Variants in ANKIB1 observed in about 807,000 individuals in gnomAD.
ANKIB1 encodes ankyrin repeat and IBR domain-containing protein 1.
Under a neutral mutation model 122.1 loss-of-function variants are expected in ANKIB1, and 43 were observed. The observed-to-expected ratio is 0.35, with a 90% CI of 0.28 to 0.45. The LOEUF (loss-of-function observed/expected upper bound fraction) is 0.45, where lower values mean the gene tolerates loss of function less well. ANKIB1 is among the 20% of genes least tolerant of loss of function. The pLI, the probability that ANKIB1 is intolerant of heterozygous loss-of-function variation, is 1.00. For missense variants in ANKIB1, 992 were observed against 1,329.5 expected, an observed-to-expected ratio of 0.75 and a Z score of 3.95; for synonymous variants, 390 against 442.0, an observed-to-expected ratio of 0.88 and a Z score of 1.48.
In ANKIB1 at chr7:92,397,705, C is replaced by G. The variant is rs1388516466; in HGVS notation, c.2396-18C>G. 1 of 1,608,366 alleles carries G rather than the reference C, an allele frequency of 6.2e-7. No individual in the cohort carries two copies. Among genetic ancestry groups the G allele is most frequent in the Non-Finnish European group, 8.5e-7 (1 of 1,178,332 alleles). ...ATTTGTCACTAAATTGTCTTTGGTA[C>G]CAATTGCTTTGAAACAGATATTCCA... On this transcript the variant is annotated intron_variant, in intron 18 of 19. Transcript: ENST00000265742.
chr7:92,322,199 G>A (rs1402333690), intron 4 of ANKIB1, among the ~76,000 whole-genome samples: 1 of 152,058 alleles, frequency 6.6e-6, no homozygotes, highest in African/African-American at 2.4e-5. Flanking sequence ...TAATATTGAT[G>A]TAATTAAACT....
intron 7 of ANKIB1, among the ~76,000 whole-genome samples, chr7:92,346,648 G>C (rs1803546851): frequency 6.6e-6 from 1 of 152,190 alleles, no homozygotes; most frequent in African/African-American, 2.4e-5. Context: ...TGTGGAGGCA[G>C]AAAATACTTC....
intron 4 of ANKIB1, among the ~76,000 whole-genome samples, chr7:92,323,774 G>A (rs1275489683): frequency 1.3e-5 from 2 of 152,174 alleles, no homozygotes; most frequent in Admixed American, 1.3e-4. Context: ...AAAAAGGAAT[G>A]AACTACTAAT....
intron 4 of ANKIB1, among the ~76,000 whole-genome samples, chr7:92,325,654 A>G (rs1196406896): frequency 1.3e-5 from 2 of 151,786 alleles, no homozygotes; most frequent in Non-Finnish European, 2.9e-5. Flanking sequence ...TCTTTTAACA[A>G]TAAACATGTT....
intron 1 of ANKIB1, among the ~76,000 whole-genome samples, chr7:92,280,259 A>G (rs1255102229): frequency 6.6e-6 from 1 of 152,226 alleles, no homozygotes; most frequent in Non-Finnish European, 1.5e-5. Flanking sequence ...AAAATACAAA[A>G]TGATTCTGTG....
rs1421449700 is a variant in ANKIB1 at position 92,343,210 on chromosome 7, C to T, written c.974C>T (p.Pro325Leu). 6.2e-7 allele frequency: 1 copy of T among 1,613,730 alleles called. No homozygotes were observed. Among genetic ancestry groups the T allele is most frequent in the Non-Finnish European group, 8.5e-7 (1 of 1,179,838 alleles). The stretch of plus-strand genomic sequence containing the variant: ...TCCCCAGATGAAATCAGCTTATCTC[C>T]TGGGGATTTAGACACCAGTTTGGTA... ...VTSPDEISLS[P>L]GDLDTSLCDI... Residue 325 changes from proline to leucine, a missense_variant, in exon 6 of 20, where the codon CCT becomes CTT. Physicochemically the swap from Pro to Leu is moderately conservative, Grantham distance 98 (BLOSUM62 -3). Transcript: ENST00000265742.
At chr7:92,393,048 A>G (rs1445308737) in intron 17 of ANKIB1, among the ~76,000 whole-genome samples, 1 of 152,056 alleles carries the variant, frequency 6.6e-6, no homozygotes, top group Non-Finnish European at 1.5e-5. Flanking sequence ...TGATGCCTAT[A>G]ATATGATAAC....
chr7:92,248,864 C>CT (rs1469032286), intron 1 of ANKIB1, among the ~76,000 whole-genome samples: 1 of 147,130 alleles, frequency 6.8e-6, no homozygotes, highest in Non-Finnish European at 1.5e-5. Context: ...TTTCCAGATA[C>CT]TTTTTTTCTT....
intron 1 of ANKIB1, among the ~76,000 whole-genome samples, chr7:92,274,789 T>TA (rs1216374018): frequency 1.5e-4 from 23 of 150,184 alleles, no homozygotes; most frequent in Middle Eastern, 3.4e-3. Context: ...ACCCTGTCAC[T>TA]AAAAAAAAAA....
chr7:92,260,004 G>A (rs1186731251), intron 1 of ANKIB1, among the ~76,000 whole-genome samples: 1 of 152,096 alleles, frequency 6.6e-6, no homozygotes, highest in Non-Finnish European at 1.5e-5. Flanking sequence ...CTTCCTAAAT[G>A]ATCTGCTTCT....
chr7:92,279,454 A>G (rs547267728), intron 1 of ANKIB1, among the ~76,000 whole-genome samples: 91 of 152,340 alleles, frequency 6.0e-4, no homozygotes, highest in African/African-American at 2.0e-3. Flanking sequence ...AGATTGTCCC[A>G]TCAGAGAATA....
intron 1 of ANKIB1, among the ~76,000 whole-genome samples, chr7:92,289,500 T>C (rs1802203307): frequency 6.6e-6 from 1 of 152,224 alleles, no homozygotes; most frequent in Non-Finnish European, 1.5e-5. Flanking sequence ...ACCACACTGC[T>C]CCTCACCATC....
chr7:92,348,204 T>C (rs1803581145), intron 7 of ANKIB1, among the ~76,000 whole-genome samples: 1 of 152,180 alleles, frequency 6.6e-6, no homozygotes, highest in South Asian at 2.1e-4. Flanking sequence ...TTCTCTGATA[T>C]ATTTAAAATA....
intron 1 of ANKIB1, among the ~76,000 whole-genome samples, chr7:92,258,384 C>T (rs1314944136): frequency 6.6e-6 from 1 of 152,198 alleles, no homozygotes; most frequent in African/African-American, 2.4e-5. Context: ...GTATCACACT[C>T]ACCTGGAATG....
At chr7:92,285,679 A>G (rs1025567489) in intron 1 of ANKIB1, among the ~76,000 whole-genome samples, 1 of 152,272 alleles carries the variant, frequency 6.6e-6, no homozygotes, top group Non-Finnish European at 1.5e-5. Context: ...CAAGATCTAT[A>G]CATAACACTG....
chr7:92,264,322 A>T (rs2131885191), intron 1 of ANKIB1, among the ~76,000 whole-genome samples: 1 of 152,190 alleles, frequency 6.6e-6, no homozygotes, highest in African/African-American at 2.4e-5. Context: ...AAATAAATTA[A>T]TGTTAACCAT....
intron 14 of ANKIB1, among the ~76,000 whole-genome samples, chr7:92,389,126 T>G (rs1156893045): frequency 6.6e-6 from 1 of 151,908 alleles, no homozygotes; most frequent in Non-Finnish European, 1.5e-5. Context: ...GGCAGCATAA[T>G]AAATTAGGGG....
chr7:92,316,799 A>G (rs1802802122), intron 3 of ANKIB1, among the ~76,000 whole-genome samples: 1 of 152,192 alleles, frequency 6.6e-6, no homozygotes, highest in Non-Finnish European at 1.5e-5. Context: ...GGTTCCCCTT[A>G]CCAAGATTCT....
intron 9 of ANKIB1, among the ~76,000 whole-genome samples, chr7:92,356,401 G>A (rs986093093): frequency 6.6e-5 from 10 of 152,166 alleles, no homozygotes; most frequent in African/African-American, 1.7e-4. Flanking sequence ...CTGCCAACTA[G>A]CAAAACATTT....
Sources: gnomAD v4.1 joint callset for allele counts (sites outside exome capture counted in the v4.1 genomes callset) on GRCh38, gnomAD v4.1.1 for gene constraint, MANE v1.5 for transcripts, NCBI Gene and HGNC (gene_info 2026-07-23, HGNC 2026-07-21) for gene names.